COL4A6: variants seen among roughly 807,000 people sequenced by gnomAD.
The protein encoded by COL4A6 is collagen type IV alpha 6 chain.
Under a neutral mutation model 126.7 loss-of-function variants are expected in COL4A6, and 59 were observed. That is an observed-to-expected ratio of 0.47 (90% CI 0.38 to 0.58). COL4A6 has a LOEUF of 0.58. COL4A6 is among the 20% of genes least tolerant of loss of function. The pLI, the probability that COL4A6 is intolerant of heterozygous loss-of-function variation, is 0.00. For synonymous variants in COL4A6, 547 were observed against 496.6 expected (o/e 1.10, Z -1.35); for missense variants, 1,285 against 1,337.3 (o/e 0.96, Z 0.61).
chrX:108,359,840 C>T (rs963232085), intron 2 of COL4A6, among the ~76,000 whole-genome samples: 3 of 112,054 alleles, frequency 2.7e-5, no homozygotes, highest in African/African-American at 6.5e-5. Context: ...AGGGTAATAC[C>T]GCCTACATAA....
intron 2 of COL4A6, among the ~76,000 whole-genome samples, chrX:108,311,834 G>A (rs1420062145): frequency 1.8e-5 from 2 of 111,666 alleles, no homozygotes; most frequent in Non-Finnish European, 3.8e-5. Flanking sequence ...GTCCAACACT[G>A]CATCTCCAAT....
chrX:108,414,366 A>G (rs767244653), intron 2 of COL4A6, among the ~76,000 whole-genome samples: 4 of 111,238 alleles, frequency 3.6e-5, no homozygotes, highest in African/African-American at 1.3e-4. Flanking sequence ...AACTGTTGAA[A>G]CCTAAATCTC....
chrX:108,171,476 A>G lies in COL4A6; in HGVS notation c.3203-15T>C. The G allele has an allele frequency of 1.7e-6, 2 of 1,182,994 alleles. No homozygotes were observed. The highest frequency in any genetic ancestry group is 4.4e-5 in the Admixed American group (2 of 45,012). Reference sequence around the variant, plus strand: ...GCCGTTGTCTCCTGAGGATTCCAATACATTGTTTAAATGGCCAGGAGAAGC... The same window carrying G: ...GCCGTTGTCTCCTGAGGATTCCAATGCATTGTTTAAATGGCCAGGAGAAGC... On this transcript the variant is annotated splice_polypyrimidine_tract_variant and intron_variant, in intron 32 of 44. Transcript: ENST00000334504.
chrX:108,309,785 G>T (rs1331279287), intron 3 of COL4A6, among the ~76,000 whole-genome samples: 2 of 95,947 alleles, frequency 2.1e-5, no homozygotes, highest in South Asian at 5.4e-4. Flanking sequence ...TCTGTAGGAT[G>T]GCCATTAATC....
At chrX:108,211,903 G>A (rs1478991121) in intron 6 of COL4A6, among the ~76,000 whole-genome samples, 163 bp from the exon 7 acceptor site, 14 of 111,865 alleles carry the variant, frequency 1.3e-4, no homozygotes, top group African/African-American at 4.2e-4. Context: ...TTCCTTGACC[G>A]GGTGCTCTGA....
intron 2 of COL4A6, among the ~76,000 whole-genome samples, chrX:108,415,599 A>G (rs1390361789): frequency 1.8e-5 from 2 of 112,064 alleles, no homozygotes; most frequent in Non-Finnish European, 3.8e-5. Flanking sequence ...GATAATATAT[A>G]TAAATACTCT....
intron 2 of COL4A6, among the ~76,000 whole-genome samples, chrX:108,419,124 T>A (rs1471604479): frequency 8.9e-6 from 1 of 112,371 alleles, no homozygotes; most frequent in African/African-American, 3.2e-5. Flanking sequence ...GCATATCATA[T>A]AAAAAGTAAC....
intron 13 of COL4A6, among the ~76,000 whole-genome samples, chrX:108,197,674 C>T (rs2035261166): frequency 1.8e-5 from 2 of 110,490 alleles, no homozygotes; most frequent in South Asian, 3.9e-4. Flanking sequence ...GACCCCTTGG[C>T]TTTCTGGGCC....
chrX:108,173,634 G>A (rs1029277706), intron 31 of COL4A6, among the ~76,000 whole-genome samples: 5 of 112,094 alleles, frequency 4.5e-5, no homozygotes, highest in Non-Finnish European at 9.4e-5. Context: ...ATGCAGAGCC[G>A]GCTATGTGCC....
chrX:108,329,665 A>G (rs192816792), intron 2 of COL4A6, among the ~76,000 whole-genome samples: 58 of 112,168 alleles, frequency 5.2e-4, no homozygotes, highest in African/African-American at 1.7e-3. Context: ...GGATTGTTGG[A>G]AATGAGACTG....
intron 12 of COL4A6, 25 bp downstream of exon 12, chrX:108,204,295 T>C: frequency 9.2e-7 from 1 of 1,092,737 alleles, no homozygotes. Flanking sequence ...TTATTAATTT[T>C]TTCCTATTCT....
chrX:108,378,960 T>TG (rs1365428491), intron 2 of COL4A6, among the ~76,000 whole-genome samples: 1 of 112,524 alleles, frequency 8.9e-6, no homozygotes, highest in Non-Finnish European at 1.9e-5. Flanking sequence ...AAAAGTTTGC[T>TG]GACTCCTGCC....
At chrX:108,225,562 A>G (rs2036146685) in intron 3 of COL4A6, among the ~76,000 whole-genome samples, 1 of 112,734 alleles carries the variant, frequency 8.9e-6, no homozygotes, top group African/African-American at 3.2e-5. Context: ...CAGGTCTGCA[A>G]CCACAGCCCA....
At chrX:108,329,964 T>C (rs751778784) in intron 2 of COL4A6, among the ~76,000 whole-genome samples, 1 of 110,909 alleles carries the variant, frequency 9.0e-6, no homozygotes, top group Non-Finnish European at 1.9e-5. Flanking sequence ...TGTGTGTGCA[T>C]GTGCGTGTGT....
At chrX:108,207,545 T>C (rs2035583482) in intron 8 of COL4A6, among the ~76,000 whole-genome samples, 1 of 111,497 alleles carries the variant, frequency 9.0e-6, no homozygotes, top group Non-Finnish European at 1.9e-5. Flanking sequence ...GATAGATAGA[T>C]AGAAGGAGGA....
At chrX:108,358,168 C>T (rs749634851) in intron 2 of COL4A6, among the ~76,000 whole-genome samples, 5 of 111,289 alleles carry the variant, frequency 4.5e-5, no homozygotes, top group Non-Finnish European at 7.5e-5. Flanking sequence ...TTTTCCTCTT[C>T]TGTCTCCCCT....
chrX:108,170,441 T>C (rs770774846), intron 35 of COL4A6, among the ~76,000 whole-genome samples, 168 bp downstream of exon 35: 1 of 112,550 alleles, frequency 8.9e-6, no homozygotes, highest in South Asian at 3.7e-4. Context: ...TTCACACTCA[T>C]GCTTGCCTGC....
At position 108,169,630 on chromosome X, in the gene COL4A6, G is replaced by C. The variant is rs1353949242; in HGVS notation, c.3566-10C>G. On this transcript the variant is annotated splice_polypyrimidine_tract_variant and intron_variant, in intron 36 of 44. Coordinates refer to ENST00000334504, the MANE Select transcript of COL4A6 (RefSeq NM_033641.4). Reference sequence around the variant, plus strand: ...CCGGTGATACTAGGTCCTAGGAGGAGATGCAGGGGTAGGGGGCAGACCTCA... The same window carrying C: ...CCGGTGATACTAGGTCCTAGGAGGACATGCAGGGGTAGGGGGCAGACCTCA... 2 of 1,205,386 alleles carry C rather than the reference G, an allele frequency of 1.7e-6. No individual in the cohort carries two copies. The highest frequency in any genetic ancestry group is 1.8e-5 in the South Asian group (1 of 55,622).
At chrX:108,375,371 AAG>A (rs2040412702) in intron 2 of COL4A6, among the ~76,000 whole-genome samples, 1 of 112,042 alleles carries the variant, frequency 8.9e-6, no homozygotes, top group African/African-American at 3.2e-5. Flanking sequence ...AGATGAAAGA[AAG>A]AGTATTATCC....
Sources: allele counts gnomAD v4.1 joint callset (sites outside exome capture counted in the v4.1 genomes callset), GRCh38; gene constraint gnomAD v4.1.1; transcripts MANE v1.5; gene names NCBI Gene and HGNC (gene_info 2026-07-23, HGNC 2026-07-21).